CHCHD6: variants seen among roughly 807,000 people sequenced by gnomAD.
CHCHD6 encodes MICOS complex subunit MIC25.
A neutral mutation model predicts 32.3 loss-of-function variants in CHCHD6; 28 were observed. The observed-to-expected ratio is 0.87, with a 90% confidence interval of 0.64 to 1.19. The LOEUF is 1.19. Ranked by LOEUF, CHCHD6 falls within the 50% of genes most tolerant of loss-of-function variation. The pLI, the probability that CHCHD6 is intolerant of heterozygous loss-of-function variation, is 0.00. For missense variants in CHCHD6, 333 were observed against 307.0 expected (o/e 1.08, Z -0.63); for synonymous variants, 122 against 117.5 (o/e 1.04, Z -0.25).
intron 5 of CHCHD6, among the ~76,000 whole-genome samples, chr3:126,912,364 G>C (rs1343726539): frequency 6.6e-6 from 1 of 152,138 alleles, no homozygotes; most frequent in African/African-American, 2.4e-5. Flanking sequence ...GTGGATACTG[G>C]ACTGGTCGAG....
chr3:126,726,772 A>G (rs1935554595), intron 1 of CHCHD6, among the ~76,000 whole-genome samples: 1 of 152,088 alleles, frequency 6.6e-6, no homozygotes, highest in African/African-American at 2.4e-5. Flanking sequence ...CTGAATTCAG[A>G]AGAGGTGAGA....
chr3:126,772,658 C>T (rs1937564757), intron 4 of CHCHD6, among the ~76,000 whole-genome samples: 1 of 152,158 alleles, frequency 6.6e-6, no homozygotes, highest in African/African-American at 2.4e-5. Flanking sequence ...CTCTTGAAGA[C>T]AGCATACCAT....
intron 4 of CHCHD6, among the ~76,000 whole-genome samples, chr3:126,742,266 G>T (rs1165351268): frequency 6.6e-6 from 1 of 152,182 alleles, no homozygotes; most frequent in Non-Finnish European, 1.5e-5. Context: ...AGGTCATACT[G>T]GAGGCATGCA....
chr3:126,878,869 G>A (rs897633577), intron 5 of CHCHD6, among the ~76,000 whole-genome samples: 3 of 152,228 alleles, frequency 2.0e-5, no homozygotes, highest in African/African-American at 7.2e-5. Flanking sequence ...AGTTACAGTG[G>A]TGGAGGCTGT....
In CHCHD6 at chr3:126,807,736, A is replaced by T. The variant is rs183335181; in HGVS notation, c.412-44911A>T. The stretch of plus-strand genomic sequence containing the variant: ...ATCATGAAATTTTAGAATATAAAGG[A>T]CAAGAACTGATCCTTGAAGTTTCCA... On this transcript the variant is annotated intron_variant, in intron 4 of 7. Transcript: ENST00000290913. Among the ~76,000 whole-genome samples the T allele has an allele frequency of 4.4e-3, 673 of 152,360 alleles. 6 individuals are homozygous for T. Among genetic ancestry groups the T allele is most frequent in the African/African-American group, 0.015 (640 of 41,578 alleles).
chr3:126,792,612 G>T (rs1174410635), intron 4 of CHCHD6, among the ~76,000 whole-genome samples: 1 of 152,072 alleles, frequency 6.6e-6, no homozygotes, highest in East Asian at 1.9e-4. Context: ...TTTGTGGTCA[G>T]ATAACATATT....
chr3:126,844,400 T>G (rs1031394336), intron 4 of CHCHD6, among the ~76,000 whole-genome samples: 4 of 152,238 alleles, frequency 2.6e-5, no homozygotes, highest in African/African-American at 9.6e-5. Flanking sequence ...TTATTATAAG[T>G]ACCTATACAT....
intron 5 of CHCHD6, among the ~76,000 whole-genome samples, chr3:126,858,708 C>T (rs1941750815): frequency 6.6e-6 from 1 of 152,222 alleles, no homozygotes; most frequent in Non-Finnish European, 1.5e-5. Flanking sequence ...CCACTGTTAG[C>T]CCACATCTGT....
intron 4 of CHCHD6, among the ~76,000 whole-genome samples, chr3:126,750,254 A>G (rs1936674856): frequency 6.6e-6 from 1 of 152,216 alleles, no homozygotes; most frequent in Non-Finnish European, 1.5e-5. Flanking sequence ...GGAATATCCC[A>G]CAGAGTCGTC....
chr3:126,917,221 C>T (rs938878872), intron 6 of CHCHD6, among the ~76,000 whole-genome samples: 15 of 152,320 alleles, frequency 9.8e-5, no homozygotes, highest in African/African-American at 3.6e-4. Context: ...CTCTGCAAGG[C>T]GTTTCAACTC....
At chr3:126,899,505 T>C (rs1030285386) in intron 5 of CHCHD6, among the ~76,000 whole-genome samples, 1 of 152,186 alleles carries the variant, frequency 6.6e-6, no homozygotes, top group Non-Finnish European at 1.5e-5. Context: ...CGTTTCTGAG[T>C]GAGATGAACC....
At chr3:126,786,839 T>C (rs1375552486) in intron 4 of CHCHD6, among the ~76,000 whole-genome samples, 6 of 151,944 alleles carry the variant, frequency 3.9e-5, no homozygotes, top group Non-Finnish European at 8.8e-5. Flanking sequence ...TTAGATCCCA[T>C]TTGTCAATTT....
chr3:126,774,024 G>T (rs1169441269), intron 4 of CHCHD6, among the ~76,000 whole-genome samples: 1 of 152,074 alleles, frequency 6.6e-6, no homozygotes, highest in Admixed American at 6.5e-5. Context: ...ATAAAATGAT[G>T]ATTTTATATT....
chr3:126,734,276 A>G (rs1315081407), intron 4 of CHCHD6, among the ~76,000 whole-genome samples: 1 of 152,192 alleles, frequency 6.6e-6, no homozygotes, highest in African/African-American at 2.4e-5. Flanking sequence ...ACTGACAGCA[A>G]GGAAGTTGGG....
At chr3:126,880,173 CTGACAGTGCCCCTTTCAG>C (rs2077590369) in intron 5 of CHCHD6, among the ~76,000 whole-genome samples, 1 of 152,142 alleles carries the variant, frequency 6.6e-6, no homozygotes, top group Non-Finnish European at 1.5e-5. Context: ...TGTGGGCCGG[CTGACAGTGCCCCTTTCAG>C]TGATGGAAAC....
chr3:126,810,616 G>A (rs1301532234), intron 4 of CHCHD6, among the ~76,000 whole-genome samples: 1 of 152,212 alleles, frequency 6.6e-6, no homozygotes, highest in Non-Finnish European at 1.5e-5. Context: ...ATTGTTTCAA[G>A]TTTAATAGAG....
intron 5 of CHCHD6, among the ~76,000 whole-genome samples, chr3:126,893,879 A>G (rs1164606047): frequency 6.6e-6 from 1 of 152,180 alleles, no homozygotes; most frequent in Admixed American, 6.5e-5. Context: ...TGTGCATTAG[A>G]TGTCCTGGTG....
chr3:126,719,014 C>G (rs1382813126), intron 1 of CHCHD6, among the ~76,000 whole-genome samples: 1 of 152,184 alleles, frequency 6.6e-6, no homozygotes, highest in Non-Finnish European at 1.5e-5. Flanking sequence ...ATTCCTGCCC[C>G]CTGGGGTTGC....
chr3:126,788,464 T>G (rs1938342302), intron 4 of CHCHD6, among the ~76,000 whole-genome samples: 1 of 152,200 alleles, frequency 6.6e-6, no homozygotes, highest in African/African-American at 2.4e-5. Context: ...TTGGACTTTT[T>G]TTGGTTGGTA....
Sources: allele counts gnomAD v4.1 joint callset (sites outside exome capture counted in the v4.1 genomes callset), GRCh38; gene constraint gnomAD v4.1.1; transcripts MANE v1.5; gene names NCBI Gene and HGNC (gene_info 2026-07-23, HGNC 2026-07-21).